Variants in GPR19 observed in about 807,000 individuals in gnomAD.
GPR19 encodes the protein probable G protein-coupled receptor 19.
GPR19 carries 14 observed loss-of-function variants against 28.5 expected under a neutral mutation model. The ratio of observed to expected loss-of-function variants is 0.49; its 90% CI spans 0.32 to 0.77. The LOEUF (loss-of-function observed/expected upper bound fraction) is 0.77, where lower values mean the gene tolerates loss of function less well. Ranked by LOEUF, GPR19 falls within the 30% of genes least tolerant of loss-of-function variation. GPR19 has a pLI of 0.03. For synonymous variants in GPR19, 173 were observed against 184.1 expected (o/e 0.94, Z 0.49); for missense variants, 409 against 504.1 (o/e 0.81, Z 1.81).
intron 3 of GPR19, among the ~76,000 whole-genome samples, chr12:12,678,107 A>G (rs1408049371): frequency 1.4e-5 from 2 of 147,766 alleles, no homozygotes; most frequent in Admixed American, 6.8e-5. Flanking sequence ...AAAATCACCT[A>G]TGAAGCAATT....
intron 3 of GPR19, among the ~76,000 whole-genome samples, chr12:12,679,656 G>GA (rs5796505): frequency 0.6 from 84,685 of 140,734 alleles, 25,297 homozygotes; most frequent in South Asian, 0.68. Context: ...CTTGTCTCTG[G>GA]AAAAAAAAAA....
At chr12:12,672,227 A>C (rs1045470239) in intron 3 of GPR19, among the ~76,000 whole-genome samples, 1 of 152,206 alleles carries the variant, frequency 6.6e-6, no homozygotes, top group South Asian at 2.1e-4. Flanking sequence ...ACAATGTTGC[A>C]TGACAAAAAT....
chr12:12,666,236 A>T (rs1035855340), intron 3 of GPR19, among the ~76,000 whole-genome samples: 2 of 152,128 alleles, frequency 1.3e-5, no homozygotes. Flanking sequence ...ACTGATCTAA[A>T]TTTTTCCCCT....
intron 3 of GPR19, among the ~76,000 whole-genome samples, chr12:12,667,008 T>C (rs1427212520): frequency 1.3e-5 from 2 of 152,206 alleles, no homozygotes; most frequent in African/African-American, 4.8e-5. Context: ...TGCCATATTA[T>C]AACTAAATTC....
chr12:12,668,136 C>T (rs1566140372), intron 3 of GPR19, among the ~76,000 whole-genome samples: 1 of 151,864 alleles, frequency 6.6e-6, no homozygotes. Flanking sequence ...AAATAATAAC[C>T]CCAAAGGTTA....
At chr12:12,713,057 C>CTTT in the GPR19 span, among the ~76,000 whole-genome samples, 117 of 108,042 alleles carry the variant, frequency 1.1e-3, no homozygotes, top group African/African-American at 3.3e-3. Context: ...ATCTGATGCG[C>CTTT]TTTTTTTTTT....
At chr12:12,696,551 T>C (rs1343660750), upstream of GPR19, among the ~76,000 whole-genome samples, 3 of 152,134 alleles carry the variant, frequency 2.0e-5, no homozygotes, top group Non-Finnish European at 4.4e-5. Flanking sequence ...AGAAACAAAA[T>C]TTTTTAAAAA....
intron 2 of GPR19, chr12:12,688,702 T>A (rs1489967633): frequency 1.3e-5 from 2 of 152,312 alleles, no homozygotes; most frequent in Non-Finnish European, 2.9e-5. Flanking sequence ...TGAAGGATGA[T>A]GCTGAACTAA....
At chr12:12,688,644 G>A (rs1946129209) in intron 2 of GPR19, 1 of 152,196 alleles carries the variant, frequency 6.6e-6, no homozygotes, top group African/African-American at 2.4e-5. Context: ...CAATAGCATG[G>A]TCAGACACAG....
rs1289271762 is a variant in GPR19, at chr12:12,696,117, T to C, written c.-285A>G. 1.3e-5 allele frequency: 2 copies of C among 152,152 alleles called. No homozygotes were observed. The highest frequency in any genetic ancestry group is 2.9e-5 in the Non-Finnish European group (2 of 68,020). 9.4% of individuals were successfully genotyped at this position (152,152 alleles called of 1,614,324 possible). On this transcript the variant is annotated 5_prime_UTR_variant, in exon 1 of 4. Transcript: ENST00000651487. Reference sequence around the variant, plus strand: ...CTCATAGAATGTGGTGTTGTGTACGTGAATCCATCAGATCAACGCGACGGA... The same window carrying C: ...CTCATAGAATGTGGTGTTGTGTACGCGAATCCATCAGATCAACGCGACGGA...
rs527812559 is a variant in GPR19, at chr12:12,680,875, G to A, written c.-23+3476C>T. Among the ~76,000 whole-genome samples, 9 of 152,240 alleles carry A rather than the reference G, an allele frequency of 5.9e-5. 1 individual carries two copies. The South Asian group carries it at 1.9e-3, about 32-fold the overall frequency. ...AGCTAATTTTTGTATTTTTAGTAGAGATGGGGTTTCAGCATGTTGGCCAGG... is the reference window on the plus strand; with the variant it reads ...AGCTAATTTTTGTATTTTTAGTAGAAATGGGGTTTCAGCATGTTGGCCAGG... On this transcript the variant is annotated intron_variant, in intron 3 of 3. Transcript: ENST00000651487.
At chr12:12,678,766 T>C (rs1945975547) in intron 3 of GPR19, among the ~76,000 whole-genome samples, 1 of 152,226 alleles carries the variant, frequency 6.6e-6, no homozygotes, top group African/African-American at 2.4e-5. Context: ...CCATGAAAAG[T>C]AATGGCAAAA....
At chr12:12,706,785 A>G in the GPR19 span, among the ~76,000 whole-genome samples, 10 of 151,706 alleles carry the variant, frequency 6.6e-5, no homozygotes, top group African/African-American at 2.4e-4. Flanking sequence ...TCAACTCTCT[A>G]CCCTTCTTTT....
At chr12:12,701,000 T>G (rs1303021770), upstream of GPR19, among the ~76,000 whole-genome samples, 2 of 151,666 alleles carry the variant, frequency 1.3e-5, no homozygotes, top group African/African-American at 4.9e-5. Context: ...TGATTCTTCC[T>G]TGGATGTATA....
At chr12:12,668,705 G>A (rs899359090) in intron 3 of GPR19, among the ~76,000 whole-genome samples, 8 of 150,006 alleles carry the variant, frequency 5.3e-5, no homozygotes, top group African/African-American at 2.0e-4. Context: ...AACATTTTCT[G>A]TAGAATGGGA....
Position 12,693,944 on chromosome 12 carries a change from C to G in GPR19, c.-180+1515G>C, listed in dbSNP as rs368452530. Among the ~76,000 whole-genome samples the G allele has an allele frequency of 2.6e-5, 4 of 151,966 alleles. No individual in the cohort carries two copies. The East Asian group carries it at 5.8e-4, about 22-fold the overall frequency. On this transcript the variant is annotated intron_variant, in intron 2 of 3. Transcript: ENST00000651487. ...TCTCAAGCTCCTGACCTCGTGATCC[C>G]CCCGCCTCCGCCTCCCAAAGTGCTG...
Position 12,661,422 on chromosome 12 carries a change from C to T in GPR19, c.1027G>A (p.Glu343Lys). 6.2e-7 allele frequency: 1 copy of T among 1,613,164 alleles called. No homozygotes were observed. Among genetic ancestry groups the T allele is most frequent in the Non-Finnish European group, 8.5e-7 (1 of 1,179,118 alleles). The stretch of plus-strand genomic sequence containing the variant: ...TTCATAGAGGACATGCAAAAAGTCT[C>T]TTTCATCCCTCTCCGAAAATTGGCA... Reference protein sequence around the residue: ...YNANFRRGMKETFCMSSMKCY... With the variant: ...YNANFRRGMKKTFCMSSMKCY... The change falls in exon 4 of 4, where the codon GAG (glutamate) becomes AAG (lysine). Residue 343 changes from glutamate (E) to lysine (K), a missense_variant. Transcript: ENST00000651487. This position sits in a 1 kb window ranked among gnomAD's most constrained non-coding sequence, Gnocchi z 4.2.
rs770518800 is a variant in GPR19 at position 12,661,661 on chromosome 12, GTCC to G, written c.785_787del (p.Arg262del). On this transcript the variant is annotated inframe_deletion, in exon 4 of 4. Transcript: ENST00000651487. The surrounding 1 kb of genome is among the most constrained non-coding windows in gnomAD (Gnocchi z 4.2). ...TTTTGTCCGAGGGACAATGTTCATT[GTCC>G]TCCTCACCGTTCGGCCATCTGTGCC... 8 of 1,613,590 alleles carry G rather than the reference GTCC, an allele frequency of 5.0e-6. No homozygotes were observed. Among genetic ancestry groups the G allele is most frequent in the Non-Finnish European group, 6.8e-6 (8 of 1,179,646 alleles).
At chr12:12,697,153 T>TAAAAAAAAA (rs386375639), upstream of GPR19, among the ~76,000 whole-genome samples, 3,326 of 48,816 alleles carry the variant, frequency 0.068, 801 homozygotes, top group Non-Finnish European at 0.076. Context: ...TGAAGCGAAG[T>TAAAAAAAAA]AAAAAAAAAA....
Sources: gnomAD v4.1 joint callset for allele counts (sites outside exome capture counted in the v4.1 genomes callset) on GRCh38, gnomAD v4.1.1 for gene constraint, Gnocchi (gnomAD v3.1) non-coding constraint, MANE v1.5 for transcripts, NCBI Gene and HGNC (gene_info 2026-07-23, HGNC 2026-07-21) for gene names.